The following DNAJC10 variants were observed in gnomAD, a reference collection of about 807,000 sequenced individuals.
DNAJC10 encodes the protein endoplasmic reticulum disulfide reductase DNAJC10.
In DNAJC10, 101 loss-of-function variants were observed where a neutral mutation model predicts 115.0. That is an observed-to-expected ratio of 0.88 (90% CI 0.75 to 1.04). The LOEUF (loss-of-function observed/expected upper bound fraction) is 1.04. Ranked by LOEUF, DNAJC10 falls within the 50% of genes least tolerant of loss-of-function variation. The pLI, the probability that DNAJC10 is intolerant of heterozygous loss-of-function variation, is 0.00. For missense variants in DNAJC10, 981 were observed against 928.8 expected, an observed-to-expected ratio of 1.06 and a Z score of -0.73; for synonymous variants, 307 against 301.5, an observed-to-expected ratio of 1.02 and a Z score of -0.19.
At position 182,741,371 on chromosome 2, in the gene DNAJC10, T is replaced by C; in HGVS notation, c.1191+15T>C. ...ATCATATTCAAGTAAGAAAAATGTA[T>C]TCTGCCTAGCCTTCTGCTGGTGTAC... On this transcript the variant is annotated intron_variant, in intron 13 of 23. Transcript: ENST00000264065. The C allele has an allele frequency of 1.5e-6, 2 of 1,352,958 alleles. No individual in the cohort carries two copies. The highest frequency in any genetic ancestry group is 2.1e-6 in the Non-Finnish European group (2 of 966,082). The allele number at this position is 1,352,958 out of a possible 1,614,324, so 83.8% of individuals were successfully genotyped here. A position where few individuals can be genotyped will look rare whatever the true frequency, so the allele number is the denominator to read the frequency against.
chr2:182,768,347 A>T (rs577801316), intron 22 of DNAJC10, among the ~76,000 whole-genome samples: 9 of 152,324 alleles, frequency 5.9e-5, no homozygotes, highest in Admixed American at 5.2e-4. Flanking sequence ...AGAAGTATCA[A>T]TTTAATGAGC....
intron 14 of DNAJC10, among the ~76,000 whole-genome samples, chr2:182,750,921 G>T (rs938428234): frequency 3.9e-5 from 6 of 152,106 alleles, no homozygotes; most frequent in Non-Finnish European, 8.8e-5. Flanking sequence ...TATTGTGTTT[G>T]ACGTGTTTAC....
intron 17 of DNAJC10, 146 bp from the exon 18 acceptor site, chr2:182,756,168 A>G: frequency 3.3e-6 from 2 of 614,684 alleles, no homozygotes; most frequent in Non-Finnish European, 5.1e-6. Flanking sequence ...TTCCCAAGAT[A>G]TATGCAAATA....
chr2:182,752,074 G>C lies in DNAJC10; in HGVS notation c.1437G>C (p.Trp479Cys). The change falls in exon 16 of 24, where the codon TGG becomes TGC. Residue 479 changes from tryptophan to cysteine, a missense_variant and splice_region_variant. Coordinates refer to ENST00000264065, the MANE Select transcript of DNAJC10 (RefSeq NM_018981.4). The stretch of plus-strand genomic sequence containing the variant: ...TATGAATATTTTTTCTTTCCTAGTG[G>C]TGTCCACCATGTCGAGCTTTACTAC... The part of the protein sequence containing the change: ...EPWLVDFFAP[W>C]CPPCRALLPE... 1 of 1,609,272 alleles carries C rather than the reference G, an allele frequency of 6.2e-7. No homozygotes were observed. Among genetic ancestry groups the C allele is most frequent in the Non-Finnish European group, 8.5e-7 (1 of 1,177,132 alleles).
intron 10 of DNAJC10, 146 bp downstream of exon 10, chr2:182,732,688 T>C: frequency 2.8e-6 from 2 of 724,220 alleles, no homozygotes; most frequent in Middle Eastern, 2.9e-4. Flanking sequence ...TTCATAGCTA[T>C]GTGTTTTTTC....
chr2:182,756,579 T>G, intron 18 of DNAJC10, 110 bp downstream of exon 18: 1 of 1,042,974 alleles, frequency 9.6e-7, no homozygotes, highest in Non-Finnish European at 1.4e-6. Context: ...TATTACTTAA[T>G]AACAGTACTG....
Position 182,716,432 on chromosome 2 carries a change from C to CA in DNAJC10, c.-254dup, listed in dbSNP as rs1206761512. The CA allele has an allele frequency of 6.6e-6, 1 of 152,536 alleles. No homozygotes were observed. The highest frequency in any genetic ancestry group is 1.5e-5 in the Non-Finnish European group (1 of 68,324). 9.4% of individuals were successfully genotyped at this position (152,536 alleles called of 1,614,324 possible). ...GGCTCGGCCAGGCGGGGTCCGCCGC[C>CA]AGGGTTTGAGGATGGGGGAGTAGCT... On this transcript the variant is annotated 5_prime_UTR_variant, in exon 1 of 24. Coordinates refer to ENST00000264065, the MANE Select transcript of DNAJC10 (RefSeq NM_018981.4).
rs1694936953 is a variant in DNAJC10 at position 182,785,863 on chromosome 2, G to A, written c.*8731G>A. The A allele has an allele frequency of 6.6e-6, 1 of 152,032 alleles. No individual in the cohort carries two copies. The allele number at this position is 152,032 out of a possible 1,614,324, so 9.4% of individuals were successfully genotyped here. A position where few individuals can be genotyped will look rare whatever the true frequency, so the allele number is the denominator to read the frequency against. ...AATATTTGAATTTGATATTAACTAAGAATTGTTTGCAGGGGATGTTGTTGC... is the reference window on the plus strand; with the variant it reads ...AATATTTGAATTTGATATTAACTAAAAATTGTTTGCAGGGGATGTTGTTGC... On this transcript the variant is annotated 3_prime_UTR_variant, in exon 24 of 24. Coordinates refer to ENST00000264065, the MANE Select transcript of DNAJC10 (RefSeq NM_018981.4).
At chr2:182,732,403 C>T (rs1446469280) in intron 9 of DNAJC10, 96 bp from the exon 10 acceptor site, 10 of 1,168,632 alleles carry the variant, frequency 8.6e-6, no homozygotes, top group African/African-American at 3.0e-5. Flanking sequence ...TAATTGCCTT[C>T]GAATGAACAT....
At chr2:182,721,693 A>G (rs1230974864) in intron 4 of DNAJC10, among the ~76,000 whole-genome samples, 2 of 152,136 alleles carry the variant, frequency 1.3e-5, no homozygotes, top group Admixed American at 1.3e-4. Context: ...AAAGTATACA[A>G]GAGTCTATAT....
intron 10 of DNAJC10, among the ~76,000 whole-genome samples, chr2:182,733,926 C>T (rs982045126): frequency 6.0e-5 from 9 of 151,122 alleles, no homozygotes; most frequent in Non-Finnish European, 1.0e-4. Flanking sequence ...TACATAATAT[C>T]CTATTTTTTT....
At chr2:182,774,089 A>C (rs1302855950) in intron 22 of DNAJC10, among the ~76,000 whole-genome samples, 1 of 152,206 alleles carries the variant, frequency 6.6e-6, no homozygotes, top group Non-Finnish European at 1.5e-5. Context: ...CAGGTCCCTC[A>C]GCTGCAGGTC....
intron 7 of DNAJC10, 65 bp from the exon 8 acceptor site, chr2:182,729,783 A>T: frequency 9.8e-7 from 1 of 1,022,850 alleles, no homozygotes; most frequent in Non-Finnish European, 1.5e-6. Flanking sequence ...ACTCTTTGGT[A>T]TTATTTTTAT....
At chr2:182,740,499 A>G (rs1693706379) in intron 12 of DNAJC10, 111 bp downstream of exon 12, 3 of 1,057,700 alleles carry the variant, frequency 2.8e-6, no homozygotes, top group Middle Eastern at 2.4e-4. Flanking sequence ...AATTGAAAGT[A>G]GCAGTTTCAA....
chr2:182,746,637 C>G (rs138056142), intron 14 of DNAJC10, among the ~76,000 whole-genome samples: 3,018 of 152,146 alleles, frequency 0.02, 105 homozygotes, highest in East Asian at 0.092. Flanking sequence ...TTAGCCCTTT[C>G]TCAGATGAGT....
chr2:182,721,828 A>G (rs961514045), intron 4 of DNAJC10, among the ~76,000 whole-genome samples, 197 bp from the exon 5 acceptor site: 39 of 152,124 alleles, frequency 2.6e-4, no homozygotes, highest in African/African-American at 8.2e-4. Flanking sequence ...TCAGAATTCT[A>G]ATATCTTTAG....
rs1283431287 is a variant in DNAJC10, at chr2:182,757,787, AT to A, written c.1911del (p.Pro639GlnfsTer22). ...ENVQRYPEIR[F>X]FPPKSNKAYH... ...ACGTTCAAAGATACCCTGAGATAAG[AT>A]TTTTTCCCCCAAAATCAAATAAAGC... On this transcript the variant is annotated frameshift_variant, in exon 19 of 24. Coordinates refer to ENST00000264065, the MANE Select transcript of DNAJC10 (RefSeq NM_018981.4). LOFTEE classifies it high-confidence loss of function. 8 of 1,561,800 alleles carry A rather than the reference AT, an allele frequency of 5.1e-6. No individual in the cohort carries two copies. The highest frequency in any genetic ancestry group is 2.3e-5 in the East Asian group (1 of 44,304).
In DNAJC10 at chr2:182,789,954, G is replaced by A. The variant is rs1695020224; in HGVS notation, c.*12822G>A. The A allele has an allele frequency of 6.6e-6, 1 of 152,152 alleles. No individual in the cohort carries two copies. The highest frequency in any genetic ancestry group is 1.5e-5 in the Non-Finnish European group (1 of 68,024). 9.4% of individuals were successfully genotyped at this position (152,152 alleles called of 1,614,324 possible). On this transcript the variant is annotated 3_prime_UTR_variant, in exon 24 of 24. Coordinates refer to ENST00000264065, the MANE Select transcript of DNAJC10 (RefSeq NM_018981.4). The stretch of plus-strand genomic sequence containing the variant: ...TCCATATCAAAGTACTTTGTGGGAA[G>A]TTGGTTATTTTACATTCTCATACCA...
In DNAJC10 at chr2:182,756,384, A is replaced by C; in HGVS notation, c.1724A>C (p.His575Pro). ...TFNELVTQRK[H>P]NEVWMVDFYS... ...AACGAACTAGTTACACAAAGAAAAC[A>C]CAACGAAGTCTGGATGGTTGATTTC... Residue 575 changes from histidine to proline, a missense_variant, in exon 18 of 24, where the codon CAC (histidine) becomes CCC (proline). Coordinates refer to ENST00000264065, the MANE Select transcript of DNAJC10 (RefSeq NM_018981.4). 1 of 1,614,066 alleles carries C rather than the reference A, an allele frequency of 6.2e-7. No individual in the cohort carries two copies. Among genetic ancestry groups the C allele is most frequent in the Non-Finnish European group, 8.5e-7 (1 of 1,179,932 alleles).
Sources: allele counts gnomAD v4.1 joint callset (sites outside exome capture counted in the v4.1 genomes callset), GRCh38; gene constraint gnomAD v4.1.1; transcripts MANE v1.5; gene names NCBI Gene and HGNC (gene_info 2026-07-23, HGNC 2026-07-21).